YLPM1: variants seen among roughly 807,000 people sequenced by gnomAD.
The protein encoded by YLPM1 is YLP motif-containing protein 1.
In YLPM1, 99 loss-of-function variants were observed where a neutral mutation model predicts 230.0. That is an observed-to-expected ratio of 0.43 (90% CI 0.37 to 0.51). YLPM1 has a LOEUF of 0.51. YLPM1 is among the 20% of genes least tolerant of loss of function. The pLI, the probability that YLPM1 is intolerant of heterozygous loss-of-function variation, is 0.00. For missense variants in YLPM1, 2,592 were observed against 2,707.7 expected (o/e 0.96, Z 0.95); for synonymous variants, 984 against 942.5 (o/e 1.04, Z -0.81).
chr14:74,775,911 C>T (rs537665382), intron 1 of YLPM1, among the ~76,000 whole-genome samples: 1 of 152,156 alleles, frequency 6.6e-6, no homozygotes, highest in Non-Finnish European at 1.5e-5. Flanking sequence ...CTAGCAGATC[C>T]TCAGCTGCCA....
At chr14:74,768,572 T>C (rs982173251) in intron 1 of YLPM1, among the ~76,000 whole-genome samples, 1 of 152,170 alleles carries the variant, frequency 6.6e-6, no homozygotes, top group African/African-American at 2.4e-5. Context: ...GAATAATTAA[T>C]TTTTCTATGT....
At chr14:74,789,285 G>A (rs571583899) in intron 4 of YLPM1, among the ~76,000 whole-genome samples, 1 of 152,234 alleles carries the variant, frequency 6.6e-6, no homozygotes, top group Admixed American at 6.5e-5. Flanking sequence ...GAGTGCAGTG[G>A]CGCTCACTGC....
At chr14:74,823,168 A>G (rs2091535971) in intron 17 of YLPM1, among the ~76,000 whole-genome samples, 1 of 151,962 alleles carries the variant, frequency 6.6e-6, no homozygotes, top group Non-Finnish European at 1.5e-5. Flanking sequence ...AAACTCTTAC[A>G]CAGAAGCTAT....
chr14:74,810,347 C>T lies in YLPM1; in HGVS notation c.5155C>T (p.Arg1719Ter). 6.2e-7 allele frequency: 1 copy of T among 1,613,498 alleles called. No individual in the cohort carries two copies. Among genetic ancestry groups the T allele is most frequent in the South Asian group, 1.1e-5 (1 of 91,040 alleles). The change falls in exon 9 of 21, where the codon CGA (arginine) becomes TGA (stop). Residue 1719 changes from arginine to a stop codon, truncating the protein, a stop_gained. Transcript: ENST00000325680. LOFTEE classifies it high-confidence loss of function. ...AAGGGATCGTGAGACACATAGAGAT[C>T]GAGACCGGGATCGTGGTGTTATTGA... ...FKRDRETHRD[R>*]DRDRGVIDYD...
At chr14:74,768,262 G>A (rs1054026435) in intron 1 of YLPM1, among the ~76,000 whole-genome samples, 5 of 150,328 alleles carry the variant, frequency 3.3e-5, no homozygotes, top group African/African-American at 1.2e-4. Flanking sequence ...TTGTTTGTTT[G>A]TTTCTGAGAG....
intron 6 of YLPM1, among the ~76,000 whole-genome samples, chr14:74,808,064 A>C (rs1403963149): frequency 6.6e-6 from 1 of 152,202 alleles, no homozygotes; most frequent in Admixed American, 6.5e-5. Flanking sequence ...TTTGAATCTT[A>C]CGTGGCTACC....
At position 74,821,104 on chromosome 14, in the gene YLPM1, A is replaced by G. The variant is rs1256681906; in HGVS notation, c.6078A>G (p.Glu2026=). 2 of 1,549,812 alleles carry G rather than the reference A, an allele frequency of 1.3e-6. No homozygotes were observed. The highest frequency in any genetic ancestry group is 1.7e-6 in the Non-Finnish European group (2 of 1,146,438). Residue 2026 remains glutamate, a synonymous_variant, in exon 17 of 21, where the codon GAA becomes GAG. Coordinates refer to ENST00000325680, the MANE Select transcript of YLPM1 (RefSeq NM_019589.3). ...FDANIEEQKE[E]KKDAEEEESE... is the part of the protein sequence containing the mutation. The stretch of plus-strand genomic sequence containing the variant: ...CAAATATCGAAGAACAGAAAGAAGA[A>G]AAGAAAGATGCAGAGGAAGAGGAAA...
chr14:74,831,365 C>A (rs2091607707), intron 19 of YLPM1, among the ~76,000 whole-genome samples: 1 of 152,156 alleles, frequency 6.6e-6, no homozygotes, highest in Non-Finnish European at 1.5e-5. Flanking sequence ...GCCATTTGCA[C>A]CCAGCCTCAC....
chr14:74,769,259 C>CTTTT lies in YLPM1; in HGVS notation c.873+4923_873+4926dup, dbSNP rs34023289. Among the ~76,000 whole-genome samples, 21 of 38,412 alleles carry CTTTT rather than the reference C, an allele frequency of 5.5e-4. 1 individual carries two copies. The highest frequency in any genetic ancestry group is 1.2e-3 in the East Asian group (1 of 868). The allele number at this position is 38,412 out of a possible 152,430, so 25.2% of individuals were successfully genotyped here. On this transcript the variant is annotated intron_variant, in intron 1 of 20. Coordinates refer to ENST00000325680, the MANE Select transcript of YLPM1 (RefSeq NM_019589.3). ...CCGGCTAATTTTTTTGTATTTTTAT[C>CTTTT]TTTTTTTTTTTTTTTTTTTTTTTTT...
intron 4 of YLPM1, among the ~76,000 whole-genome samples, chr14:74,784,818 C>T (rs2091131166): frequency 6.6e-6 from 1 of 152,182 alleles, no homozygotes; most frequent in African/African-American, 2.4e-5. Flanking sequence ...ACCCAGTTTG[C>T]TCTGCCAATC....
At position 74,763,414 on chromosome 14, in the gene YLPM1, G is replaced by A; in HGVS notation, c.-76G>A. The A allele has an allele frequency of 7.3e-7, 1 of 1,372,550 alleles. No individual in the cohort carries two copies. The highest frequency in any genetic ancestry group is 9.5e-7 in the Non-Finnish European group (1 of 1,055,728). The allele number at this position is 1,372,550 out of a possible 1,614,324, so 85.0% of individuals were successfully genotyped here. ...GGCGCCGCGAGTTCCGGCTGTCGCC[G>A]TCGCCGCCGCGGCTCCTGGAGGTCG... On this transcript the variant is annotated 5_prime_UTR_variant, in exon 1 of 21. Transcript: ENST00000325680.
chr14:74,820,211 C>G (rs2091510088), intron 16 of YLPM1, among the ~76,000 whole-genome samples: 1 of 152,120 alleles, frequency 6.6e-6, no homozygotes, highest in South Asian at 2.1e-4. Flanking sequence ...GAACCCTAAC[C>G]ACTTGATTGC....
intron 6 of YLPM1, among the ~76,000 whole-genome samples, chr14:74,806,133 G>T (rs937992298): frequency 3.3e-5 from 5 of 150,328 alleles, no homozygotes; most frequent in Admixed American, 3.3e-4. Context: ...AAGGCAGGTG[G>T]ATCACAAGAG....
chr14:74,804,142 C>T (rs949810236), intron 6 of YLPM1, among the ~76,000 whole-genome samples: 15 of 152,036 alleles, frequency 9.9e-5, no homozygotes, highest in South Asian at 2.1e-4. Flanking sequence ...GGGCAACGGG[C>T]GAAACTCCAT....
At chr14:74,793,036 T>C (rs1021810049) in intron 4 of YLPM1, among the ~76,000 whole-genome samples, 2 of 152,238 alleles carry the variant, frequency 1.3e-5, no homozygotes, top group African/African-American at 2.4e-5. Context: ...TATTTTGTTC[T>C]ATCACATTGT....
Position 74,802,551 on chromosome 14 carries a change from T to G in YLPM1, c.4401-5T>G. 6.2e-7 allele frequency: 1 copy of G among 1,609,384 alleles called. No individual in the cohort carries two copies. Among genetic ancestry groups the G allele is most frequent in the South Asian group, 1.1e-5 (1 of 89,922 alleles). ...ATGTACTATGTCAATTTTATTTGTT[T>G]GCAGGGAACAGAAAGAACAGCTTCA... On this transcript the variant is annotated splice_region_variant and splice_polypyrimidine_tract_variant and intron_variant, in intron 5 of 20. Coordinates refer to ENST00000325680, the MANE Select transcript of YLPM1 (RefSeq NM_019589.3).
At chr14:74,822,354 C>T (rs908584070) in intron 17 of YLPM1, among the ~76,000 whole-genome samples, 5 of 152,048 alleles carry the variant, frequency 3.3e-5, no homozygotes, top group African/African-American at 1.2e-4. Flanking sequence ...TTCAGTGGTT[C>T]ATAACATCTG....
Position 74,782,945 on chromosome 14 carries a change from A to T in YLPM1, c.2282+620A>T, listed in dbSNP as rs552066471. On this transcript the variant is annotated intron_variant, in intron 4 of 20. Transcript: ENST00000325680. ...TGAACAACATATTTAGAAAGAAAAA[A>T]AATTGCTGGTGTGTAAGTTTTTTCT... Among the ~76,000 whole-genome samples the T allele has an allele frequency of 7.0e-4, 106 of 152,334 alleles. 1 individual carries two copies. The highest frequency in any genetic ancestry group is 1.4e-3 in the Non-Finnish European group (93 of 68,032).
chr14:74,825,496 TCA>T (rs1248208831), intron 18 of YLPM1, among the ~76,000 whole-genome samples: 1 of 152,182 alleles, frequency 6.6e-6, no homozygotes, highest in African/African-American at 2.4e-5. Flanking sequence ...TAACCAATTG[TCA>T]TCTTCCAGAG....
Sources: allele counts gnomAD v4.1 joint callset (sites outside exome capture counted in the v4.1 genomes callset), GRCh38; gene constraint gnomAD v4.1.1; transcripts MANE v1.5; gene names NCBI Gene and HGNC (gene_info 2026-07-23, HGNC 2026-07-21).